The following SRGAP2 variants were observed in gnomAD, a reference collection of about 807,000 sequenced individuals.
SRGAP2 encodes SLIT-ROBO Rho GTPase activating protein 2, also known as SLIT-ROBO Rho GTPase-activating protein 2.
A neutral mutation model predicts 57.2 loss-of-function variants in SRGAP2; 15 were observed. The ratio of observed to expected loss-of-function variants is 0.26; its 90% CI spans 0.18 to 0.40. SRGAP2 has a LOEUF of 0.40. SRGAP2 is among the 10% of genes least tolerant of loss of function. The pLI is 1.00. For synonymous variants in SRGAP2, 249 were observed against 248.0 expected (o/e 1.00, Z -0.04); for missense variants, 520 against 669.6 (o/e 0.78, Z 2.47).
chr1:206,434,852 G>A (rs913912835), intron 14 of SRGAP2, among the ~76,000 whole-genome samples: 4 of 152,200 alleles, frequency 2.6e-5, no homozygotes, highest in Admixed American at 6.5e-5. Context: ...GTATCAAGAT[G>A]ATGACGCTCT....
chr1:206,325,938 C>T (rs1374807307), intron 3 of SRGAP2, among the ~76,000 whole-genome samples: 1 of 152,146 alleles, frequency 6.6e-6, no homozygotes, highest in Non-Finnish European at 1.5e-5. Context: ...GATTCTGATG[C>T]AAGGTGGTTT....
At chr1:206,358,562 G>A (rs1553339867) in intron 4 of SRGAP2, among the ~76,000 whole-genome samples, 1 of 151,046 alleles carries the variant, frequency 6.6e-6, no homozygotes, top group African/African-American at 2.5e-5. Context: ...CCATGACCTT[G>A]TTTTTCTTTT....
chr1:206,455,137 C>A, intron 21 of SRGAP2, 113 bp downstream of exon 21: 2 of 762,664 alleles, frequency 2.6e-6, no homozygotes, highest in Non-Finnish European at 4.8e-6. Flanking sequence ...TCCCAGCTCC[C>A]CCAGCCTAAC....
At chr1:206,410,385 T>A (rs1463980296) in intron 10 of SRGAP2, among the ~76,000 whole-genome samples, 1 of 152,236 alleles carries the variant, frequency 6.6e-6, no homozygotes, top group Non-Finnish European at 1.5e-5. Context: ...CCTTTTTTAT[T>A]GTGATTGTTA....
intron 2 of SRGAP2, among the ~76,000 whole-genome samples, chr1:206,252,274 C>G (rs1418885235): frequency 1.0e-4 from 15 of 150,348 alleles, no homozygotes; most frequent in Non-Finnish European, 2.1e-4. Flanking sequence ...CTGTCTCTCT[C>G]TCTTTTTTTT....
intron 19 of SRGAP2, among the ~76,000 whole-genome samples, chr1:206,452,694 C>CTG (rs1486658663): frequency 6.6e-6 from 1 of 152,004 alleles, no homozygotes; most frequent in Non-Finnish European, 1.5e-5. Flanking sequence ...CAAGACCATC[C>CTG]TGGCTAACAT....
intron 4 of SRGAP2, among the ~76,000 whole-genome samples, chr1:206,372,964 CCTTTCTTT>C (rs1171287240): frequency 0.12 from 2,689 of 23,224 alleles, 378 homozygotes; most frequent in South Asian, 0.16. Flanking sequence ...TCTTTTCTTT[CCTTTCTTT>C]CTTTCTTTCT....
At chr1:206,253,442 C>T (rs1668962973) in intron 2 of SRGAP2, among the ~76,000 whole-genome samples, 1 of 151,810 alleles carries the variant, frequency 6.6e-6, no homozygotes, top group Admixed American at 6.6e-5. Context: ...CAAGAAGACC[C>T]TCACCAGAGG....
At chr1:206,307,880 C>G (rs1488499693) in intron 3 of SRGAP2, among the ~76,000 whole-genome samples, 2 of 152,056 alleles carry the variant, frequency 1.3e-5, no homozygotes, top group African/African-American at 4.8e-5. Context: ...CCAGCCTTGG[C>G]CAGCCCAGAA....
At chr1:206,449,298 T>TTTTTTTTG (rs1663048981) in intron 18 of SRGAP2, among the ~76,000 whole-genome samples, 1 of 149,644 alleles carries the variant, frequency 6.7e-6, no homozygotes, top group Non-Finnish European at 1.5e-5. Context: ...TTTTTTTTTT[T>TTTTTTTTG]TTTTTTTTTT....
intron 5 of SRGAP2, among the ~76,000 whole-genome samples, chr1:206,391,073 CTG>C (rs1656898990): frequency 6.6e-6 from 1 of 151,960 alleles, no homozygotes; most frequent in African/African-American, 2.4e-5. Context: ...GTTGTGGGGG[CTG>C]TCCTGTGCAT....
At position 206,372,972 on chromosome 1, in the gene SRGAP2, T is replaced by TCTTTC. The variant is rs1558359105; in HGVS notation, c.424-11041_424-11037dup. Reference sequence around the variant, plus strand: ...CTTTCTTTCTTTTCTTTCCTTTCTTTCTTTCTTTCTTTCTTTCTTTCTTTC... The same window carrying TCTTTC: ...CTTTCTTTCTTTTCTTTCCTTTCTTTCTTTCCTTTCTTTCTTTCTTTCTTTCTTTC... On this transcript the variant is annotated intron_variant, in intron 4 of 22. Transcript: ENST00000573034. Among the ~76,000 whole-genome samples the TCTTTC allele has an allele frequency of 5.9e-4, 21 of 35,456 alleles. 1 individual carries two copies. Among genetic ancestry groups the TCTTTC allele is most frequent in the East Asian group, 1.5e-3 (2 of 1,332 alleles). The allele number at this position is 35,456 out of a possible 152,430, so 23.3% of individuals were successfully genotyped here. A position where few individuals can be genotyped will look rare whatever the true frequency, so the allele number is the denominator to read the frequency against.
chr1:206,206,265 G>A, intron 2 of SRGAP2: 2 of 492,510 alleles, frequency 4.1e-6, no homozygotes, highest in East Asian at 3.2e-5. Flanking sequence ...GTATCTTTGT[G>A]GGGCTGACCA....
At position 206,461,918 on chromosome 1, in the gene SRGAP2, C is replaced by G. The variant is rs1230193408; in HGVS notation, c.*498C>G. On this transcript the variant is annotated 3_prime_UTR_variant, in exon 23 of 23. Transcript: ENST00000573034. ...CACATTTTACACACACACACACACA[C>G]ACACACACACATATGTTTTTCTAGT... The G allele has an allele frequency of 1.9e-5, 3 of 154,188 alleles. No individual in the cohort carries two copies. The highest frequency in any genetic ancestry group is 7.2e-5 in the African/African-American group (3 of 41,414). The allele number at this position is 154,188 out of a possible 1,614,324, so 9.6% of individuals were successfully genotyped here.
intron 2 of SRGAP2, among the ~76,000 whole-genome samples, chr1:206,256,925 A>C (rs1669220639): frequency 6.8e-6 from 1 of 146,488 alleles, no homozygotes; most frequent in Non-Finnish European, 1.5e-5. Context: ...TTGATTGATT[A>C]ATTTCATTCT....
At chr1:206,283,370 C>A (rs1215662957) in intron 2 of SRGAP2, among the ~76,000 whole-genome samples, 1 of 151,592 alleles carries the variant, frequency 6.6e-6, no homozygotes, top group Non-Finnish European at 1.5e-5. Flanking sequence ...TATTTCCCAA[C>A]ATTTAAAAAT....
At chr1:206,203,772 C>T (rs1389274057) in intron 1 of SRGAP2, 122 bp downstream of exon 1, 7 of 1,507,142 alleles carry the variant, frequency 4.6e-6, no homozygotes, top group Admixed American at 4.1e-5. Flanking sequence ...ATCGCCTTAG[C>T]GGTGCCGCCC....
At chr1:206,253,402 C>T (rs549165509) in intron 2 of SRGAP2, among the ~76,000 whole-genome samples, 64 of 151,138 alleles carry the variant, frequency 4.2e-4, no homozygotes, top group African/African-American at 1.4e-3. Flanking sequence ...TCTCTCTTGC[C>T]CTTCTGCCTT....
At chr1:206,281,798 G>C (rs1221621085) in intron 2 of SRGAP2, among the ~76,000 whole-genome samples, 1 of 118,772 alleles carries the variant, frequency 8.4e-6, no homozygotes, top group Non-Finnish European at 1.7e-5. Context: ...GCAAGACTCT[G>C]TCTCAAAAAA....
Sources: allele counts gnomAD v4.1 joint callset (sites outside exome capture counted in the v4.1 genomes callset), GRCh38; gene constraint gnomAD v4.1.1; transcripts MANE v1.5; gene names NCBI Gene and HGNC (gene_info 2026-07-23, HGNC 2026-07-21).